NBEA: variants seen among roughly 807,000 people sequenced by gnomAD.
NBEA encodes the protein lysosomal-trafficking regulator 2.
Under a neutral mutation model 343.4 loss-of-function variants are expected in NBEA, and 44 were observed. The ratio of observed to expected loss-of-function variants is 0.13; its 90% CI spans 0.10 to 0.16. The LOEUF is 0.16. NBEA is among the 10% of genes least tolerant of loss of function. NBEA has a pLI of 1.00. For missense variants in NBEA, 2,555 were observed against 3,631.3 expected (o/e 0.70, Z 7.62); for synonymous variants, 1,175 against 1,238.7 (o/e 0.95, Z 1.08).
At chr13:35,034,101 T>C (rs1278746926) in intron 1 of NBEA, among the ~76,000 whole-genome samples, 1 of 151,648 alleles carries the variant, frequency 6.6e-6, no homozygotes, top group Non-Finnish European at 1.5e-5. Flanking sequence ...GAGAAATGAC[T>C]TTTAGTTTTT....
At chr13:35,566,861 G>C (rs571175192) in intron 44 of NBEA, 44 bp from the exon 45 acceptor site, 5 of 1,040,228 alleles carry the variant, frequency 4.8e-6, no homozygotes, top group Non-Finnish European at 7.3e-6. Context: ...TATTTCATAA[G>C]CATTTTGTGT....
chr13:35,669,706 G>A (rs927991274), intron 58 of NBEA, among the ~76,000 whole-genome samples: 2 of 152,146 alleles, frequency 1.3e-5, no homozygotes, highest in South Asian at 2.1e-4. Flanking sequence ...ATTCTTACTC[G>A]TTCGTGTATT....
intron 1 of NBEA, among the ~76,000 whole-genome samples, chr13:34,985,661 T>C (rs1353116897): frequency 6.6e-6 from 1 of 150,914 alleles, no homozygotes; most frequent in Non-Finnish European, 1.5e-5. Flanking sequence ...TGTGAATCCG[T>C]CTGGTCCTGG....
chr13:35,550,904 C>A (rs1413622884), intron 42 of NBEA, 26 bp from the exon 43 acceptor site: 1 of 1,447,924 alleles, frequency 6.9e-7, no homozygotes, highest in Non-Finnish European at 9.6e-7. Flanking sequence ...GTTTTCTAAA[C>A]TCTGTTTTTT....
intron 31 of NBEA, among the ~76,000 whole-genome samples, chr13:35,200,865 T>C (rs190119960): frequency 2.2e-4 from 34 of 152,028 alleles, no homozygotes; most frequent in African/African-American, 8.2e-4. Context: ...TTGATATTAG[T>C]GGTAAGGATG....
chr13:35,649,934 C>A, intron 52 of NBEA, 87 bp downstream of exon 52: 3 of 1,258,186 alleles, frequency 2.4e-6, no homozygotes, highest in South Asian at 2.7e-5. Context: ...GGGATTAGCT[C>A]ATATCCCACA....
chr13:35,551,953 C>G (rs552075915), intron 43 of NBEA, among the ~76,000 whole-genome samples: 5 of 152,276 alleles, frequency 3.3e-5, no homozygotes, highest in African/African-American at 1.2e-4. Context: ...ACAATCACTG[C>G]CAAAAAGGTG....
chr13:35,412,420 C>A (rs998459502), intron 38 of NBEA, among the ~76,000 whole-genome samples: 1 of 152,106 alleles, frequency 6.6e-6, no homozygotes, highest in Non-Finnish European at 1.5e-5. Context: ...TTCACCTGTG[C>A]GGCAAGTGGG....
intron 44 of NBEA, among the ~76,000 whole-genome samples, chr13:35,558,820 A>G (rs1370523562): frequency 6.6e-6 from 1 of 152,238 alleles, no homozygotes; most frequent in Non-Finnish European, 1.5e-5. Context: ...CATAGAAGAA[A>G]GTACAGGATT....
chr13:35,427,696 G>A (rs139485688), intron 38 of NBEA, among the ~76,000 whole-genome samples: 376 of 152,314 alleles, frequency 2.5e-3, no homozygotes, highest in African/African-American at 8.6e-3. Flanking sequence ...AGAGGTTACT[G>A]CTGTCTTTTT....
chr13:35,172,551 C>T (rs2152723328), intron 26 of NBEA, among the ~76,000 whole-genome samples: 1 of 152,078 alleles, frequency 6.6e-6, no homozygotes, highest in South Asian at 2.1e-4. Context: ...CAAGACTTTA[C>T]TCCCTATTTC....
intron 38 of NBEA, among the ~76,000 whole-genome samples, chr13:35,379,681 T>C (rs983179297): frequency 6.6e-6 from 1 of 151,418 alleles, no homozygotes; most frequent in African/African-American, 2.4e-5. Context: ...TTTGGAATTG[T>C]ATATGGCATG....
intron 6 of NBEA, among the ~76,000 whole-genome samples, chr13:35,054,312 G>T (rs1362159782): frequency 6.6e-6 from 1 of 151,952 alleles, no homozygotes; most frequent in Non-Finnish European, 1.5e-5. Flanking sequence ...AATTCTATAA[G>T]ATTTTCCTTA....
At chr13:35,425,440 C>T (rs1172355550) in intron 38 of NBEA, among the ~76,000 whole-genome samples, 1 of 152,092 alleles carries the variant, frequency 6.6e-6, no homozygotes, top group Non-Finnish European at 1.5e-5. Flanking sequence ...GTTCAGTTTC[C>T]ATGTAGTTGA....
At chr13:35,310,325 A>G (rs1476561867) in intron 36 of NBEA, among the ~76,000 whole-genome samples, 1 of 152,182 alleles carries the variant, frequency 6.6e-6, no homozygotes, top group African/African-American at 2.4e-5. Context: ...TTAAACCGTA[A>G]TGGTTACAAA....
At position 35,431,105 on chromosome 13, in the gene NBEA, T is replaced by G. The variant is rs375832832; in HGVS notation, c.6180-1164T>G. On this transcript the variant is annotated intron_variant, in intron 38 of 58. Coordinates refer to ENST00000379939, the MANE Select transcript of NBEA (RefSeq NM_001385012.1). ...GCCATACATTGAAAAAATCCATAGCTTTTTTTTGAAATTAAAAAAACGTTT... is the reference window on the plus strand; with the variant it reads ...GCCATACATTGAAAAAATCCATAGCGTTTTTTTGAAATTAAAAAAACGTTT... Among the ~76,000 whole-genome samples, 8 of 151,884 alleles carry G rather than the reference T, an allele frequency of 5.3e-5. No homozygotes were observed. The East Asian group carries it at 1.4e-3, about 26-fold the overall frequency.
chr13:35,544,782 C>T (rs1441905562), intron 41 of NBEA, among the ~76,000 whole-genome samples: 2 of 152,142 alleles, frequency 1.3e-5, no homozygotes, highest in African/African-American at 4.8e-5. Context: ...AAGAAAATCA[C>T]AAAGTTCCAT....
chr13:35,404,065 C>T (rs2043133802), intron 38 of NBEA, among the ~76,000 whole-genome samples: 2 of 152,186 alleles, frequency 1.3e-5, no homozygotes, highest in Admixed American at 1.3e-4. Flanking sequence ...CATCTCACAC[C>T]AGTTAGAATG....
chr13:35,087,646 A>G (rs1196967988), intron 10 of NBEA, among the ~76,000 whole-genome samples: 2 of 151,958 alleles, frequency 1.3e-5, no homozygotes, highest in East Asian at 1.9e-4. Context: ...GAACAGCTTC[A>G]GAACTGTAAA....
Sources: gnomAD v4.1 joint callset for allele counts (sites outside exome capture counted in the v4.1 genomes callset) on GRCh38, gnomAD v4.1.1 for gene constraint, MANE v1.5 for transcripts, NCBI Gene and HGNC (gene_info 2026-07-23, HGNC 2026-07-21) for gene names.